LY86: variants seen among roughly 807,000 people sequenced by gnomAD.
LY86 encodes lymphocyte antigen 86, also known as MD-1, RP105-associated.
Under a neutral mutation model 17.3 loss-of-function variants are expected in LY86, and 20 were observed. The ratio of observed to expected loss-of-function variants is 1.15; its 90% CI spans 0.81 to 1.68. The LOEUF (loss-of-function observed/expected upper bound fraction) is 1.68, where lower values mean the gene tolerates loss of function less well. LY86 is among the 40% of genes most tolerant of loss of function. LY86 has a pLI of 0.00. For missense variants in LY86, 200 were observed against 191.9 expected, an observed-to-expected ratio of 1.04 and a Z score of -0.25; for synonymous variants, 74 against 70.6, an observed-to-expected ratio of 1.05 and a Z score of -0.24.
At chr6:6,595,292 A>G (rs1472739972) in intron 1 of LY86, among the ~76,000 whole-genome samples, 1 of 146,792 alleles carries the variant, frequency 6.8e-6, no homozygotes, top group East Asian at 2.0e-4. Context: ...GAGGTGGGGA[A>G]GAAGAGGAGA....
intron 3 of LY86, 135 bp from the exon 4 acceptor site, chr6:6,649,490 A>T: frequency 8.5e-6 from 4 of 470,626 alleles, no homozygotes; most frequent in South Asian, 4.3e-5. Flanking sequence ...TCAGGAAATG[A>T]AAACATTTCT....
chr6:6,644,694 A>G (rs1311891010), intron 3 of LY86, among the ~76,000 whole-genome samples: 1 of 152,194 alleles, frequency 6.6e-6, no homozygotes, highest in African/African-American at 2.4e-5. Flanking sequence ...AAGTGTTCAG[A>G]ACCAGGGAGG....
intron 1 of LY86, among the ~76,000 whole-genome samples, chr6:6,605,891 C>G (rs752189403): frequency 1.3e-5 from 2 of 148,152 alleles, no homozygotes; most frequent in Non-Finnish European, 2.9e-5. Flanking sequence ...GCGGTGGGTT[C>G]TTAGTCTCGC....
intron 1 of LY86, among the ~76,000 whole-genome samples, chr6:6,605,745 T>C (rs35494827): frequency 0.88 from 134,601 of 152,142 alleles, 59,618 homozygotes; most frequent in Middle Eastern, 0.97. Flanking sequence ...TAAAAGGCAG[T>C]GTGTCCAGAA....
At chr6:6,619,860 A>G (rs543583841) in intron 1 of LY86, among the ~76,000 whole-genome samples, 3 of 152,214 alleles carry the variant, frequency 2.0e-5, no homozygotes, top group African/African-American at 7.2e-5. Flanking sequence ...ACAGGGAGAG[A>G]GGGAAAGAAT....
intron 1 of LY86, among the ~76,000 whole-genome samples, chr6:6,606,536 G>A (rs868435650): frequency 2.4e-4 from 37 of 152,292 alleles, no homozygotes; most frequent in African/African-American, 7.9e-4. Flanking sequence ...GGCGCTCGTC[G>A]GGGAGGCTTG....
At chr6:6,595,802 G>A (rs377549527) in intron 1 of LY86, among the ~76,000 whole-genome samples, 2 of 152,168 alleles carry the variant, frequency 1.3e-5, no homozygotes, top group African/African-American at 4.8e-5. Flanking sequence ...CTAATTTCCT[G>A]AGGAAGCCCT....
At chr6:6,654,499 G>A (rs1214170871) in intron 4 of LY86, 45 bp from the exon 5 acceptor site, 1 of 1,375,240 alleles carries the variant, frequency 7.3e-7, no homozygotes, top group Admixed American at 1.7e-5. Flanking sequence ...ATGGTTAATT[G>A]TACTGTGGGT....
At chr6:6,612,039 G>A (rs149974581) in intron 1 of LY86, among the ~76,000 whole-genome samples, 115 of 152,254 alleles carry the variant, frequency 7.6e-4, no homozygotes, top group African/African-American at 2.6e-3. Context: ...TGTATTAGGA[G>A]AGAGCAAATT....
At chr6:6,610,301 C>A (rs1761299636) in intron 1 of LY86, among the ~76,000 whole-genome samples, 1 of 152,136 alleles carries the variant, frequency 6.6e-6, no homozygotes, top group Admixed American at 6.5e-5. Context: ...GTGTAGCTTC[C>A]TATGTCTATC....
intron 3 of LY86, among the ~76,000 whole-genome samples, chr6:6,630,543 T>C (rs1381111269): frequency 6.6e-6 from 1 of 152,252 alleles, no homozygotes; most frequent in East Asian, 1.9e-4. Context: ...CATCCACTTT[T>C]AAGACTAAAT....
intron 1 of LY86, among the ~76,000 whole-genome samples, chr6:6,607,701 A>G (rs1169304635): frequency 6.6e-6 from 1 of 152,182 alleles, no homozygotes; most frequent in Non-Finnish European, 1.5e-5. Flanking sequence ...GTTGTTCAAG[A>G]TCAGCCTGGC....
intron 1 of LY86, among the ~76,000 whole-genome samples, chr6:6,590,288 ATG>A (rs1760486404): frequency 6.6e-6 from 1 of 152,158 alleles, no homozygotes; most frequent in Admixed American, 6.5e-5. Flanking sequence ...GACCCAATAA[ATG>A]AGACAGCTAC....
intron 1 of LY86, among the ~76,000 whole-genome samples, chr6:6,592,023 A>C (rs529003785): frequency 1.1e-4 from 16 of 152,308 alleles, no homozygotes; most frequent in African/African-American, 3.6e-4. Flanking sequence ...TTTTGGAAAG[A>C]TCCTCGGGCA....
intron 1 of LY86, among the ~76,000 whole-genome samples, chr6:6,604,899 C>T (rs373930999): frequency 2.0e-5 from 3 of 151,064 alleles, no homozygotes; most frequent in African/African-American, 7.3e-5. Flanking sequence ...AGACTGACAG[C>T]TGGCTCCAGC....
intron 3 of LY86, among the ~76,000 whole-genome samples, chr6:6,641,997 T>A (rs909072424): frequency 1.3e-5 from 2 of 152,200 alleles, no homozygotes; most frequent in Admixed American, 1.3e-4. Context: ...GGAGTTCACA[T>A]CCCTGCACTT....
chr6:6,633,483 T>G (rs189975526), intron 3 of LY86, among the ~76,000 whole-genome samples: 224 of 152,314 alleles, frequency 1.5e-3, no homozygotes, highest in African/African-American at 5.2e-3. Flanking sequence ...GGTGAATAAC[T>G]GCACAGATCA....
chr6:6,589,099 A>G (rs1760447038), intron 1 of LY86, among the ~76,000 whole-genome samples: 1 of 152,230 alleles, frequency 6.6e-6, no homozygotes, highest in African/African-American at 2.4e-5. Flanking sequence ...AGAGTACAAG[A>G]AAGAGAAATT....
At chr6:6,633,892 T>TTG (rs3840175) in intron 3 of LY86, among the ~76,000 whole-genome samples, 247 of 151,784 alleles carry the variant, frequency 1.6e-3, no homozygotes, top group African/African-American at 4.8e-3. Context: ...GTTAAATAAA[T>TTG]TGTGTGTGTG....
Sources: gnomAD v4.1 joint callset for allele counts (sites outside exome capture counted in the v4.1 genomes callset) on GRCh38, gnomAD v4.1.1 for gene constraint, MANE v1.5 for transcripts, NCBI Gene and HGNC (gene_info 2026-07-23, HGNC 2026-07-21) for gene names.